Variants in GALNT17 observed in about 807,000 individuals in gnomAD.
GALNT17 encodes UDP-GalNAc:polypeptide N-acetylgalactosaminyltransferase-like 3.
GALNT17 carries 29 observed loss-of-function variants against 63.7 expected under a neutral mutation model. The observed-to-expected ratio is 0.46, with a 90% CI of 0.34 to 0.62. The LOEUF (loss-of-function observed/expected upper bound fraction) is 0.62. Ranked by LOEUF, GALNT17 falls within the 20% of genes least tolerant of loss-of-function variation. The pLI, the probability that GALNT17 is intolerant of heterozygous loss-of-function variation, is 0.01. For missense variants in GALNT17, 603 were observed against 799.6 expected (o/e 0.75, Z 2.97); for synonymous variants, 305 against 318.3 (o/e 0.96, Z 0.45).
intron 1 of GALNT17, among the ~76,000 whole-genome samples, chr7:71,203,473 A>C: frequency 6.6e-6 from 1 of 152,308 alleles, no homozygotes; most frequent in African/African-American, 2.4e-5. Flanking sequence ...TTCTTTGTCC[A>C]TTTTTAAAAT....
intron 9 of GALNT17, among the ~76,000 whole-genome samples, chr7:71,706,262 C>A (rs1280280960): frequency 1.3e-5 from 2 of 152,144 alleles, no homozygotes; most frequent in African/African-American, 2.4e-5. Flanking sequence ...CCTCACCTGC[C>A]CCAGCCTACC....
intron 1 of GALNT17, among the ~76,000 whole-genome samples, chr7:71,331,277 G>A (rs1457967868): frequency 6.6e-6 from 1 of 152,048 alleles, no homozygotes; most frequent in Non-Finnish European, 1.5e-5. Context: ...CATTCCTTTT[G>A]ATCACTGACC....
chr7:71,249,984 A>G (rs1790166432), intron 1 of GALNT17, among the ~76,000 whole-genome samples: 1 of 152,230 alleles, frequency 6.6e-6, no homozygotes, highest in Non-Finnish European at 1.5e-5. Context: ...GAAGGCGTTT[A>G]AAAGCCTAGA....
At chr7:71,265,122 T>TTTTTTTTTC (rs1790469748) in intron 1 of GALNT17, among the ~76,000 whole-genome samples, 1 of 15,324 alleles carries the variant, frequency 6.5e-5, no homozygotes, top group Non-Finnish European at 1.4e-4. Flanking sequence ...ATATATATTT[T>TTTTTTTTTC]TTTTTTTTTT....
chr7:71,504,213 C>T (rs1336646167), intron 5 of GALNT17, among the ~76,000 whole-genome samples: 2 of 144,540 alleles, frequency 1.4e-5, no homozygotes, highest in African/African-American at 5.2e-5. Context: ...GGTGACAGAG[C>T]GAGACTCCAT....
intron 1 of GALNT17, among the ~76,000 whole-genome samples, chr7:71,330,308 C>T (rs1054784225): frequency 1.3e-5 from 2 of 151,402 alleles, no homozygotes; most frequent in East Asian, 2.0e-4. Context: ...CCACCGTGCC[C>T]GGCTGGACAA....
intron 1 of GALNT17, among the ~76,000 whole-genome samples, chr7:71,185,193 CTCTCTGTCTG>C (rs1229055702): frequency 2.1e-5 from 3 of 141,356 alleles, no homozygotes; most frequent in Non-Finnish European, 4.6e-5. Context: ...CTCTCTGTCT[CTCTCTGTCTG>C]TCTGTCTCTC....
intron 1 of GALNT17, among the ~76,000 whole-genome samples, chr7:71,147,906 A>T (rs1344569016): frequency 6.6e-6 from 1 of 152,080 alleles, no homozygotes; most frequent in African/African-American, 2.4e-5. Context: ...CTGAGATTAC[A>T]TGCATGAGCC....
At chr7:71,167,045 CTTTTTT>C (rs35735311) in intron 1 of GALNT17, among the ~76,000 whole-genome samples, 6 of 115,474 alleles carry the variant, frequency 5.2e-5, no homozygotes, top group Non-Finnish European at 1.0e-4. Flanking sequence ...TGGCTAAGTA[CTTTTTT>C]TTTTTTTTTT....
At chr7:71,708,894 T>A (rs1453140862) in intron 9 of GALNT17, among the ~76,000 whole-genome samples, 1 of 152,228 alleles carries the variant, frequency 6.6e-6, no homozygotes, top group Non-Finnish European at 1.5e-5. Context: ...CATGATGCTG[T>A]TCTTTTTCAT....
At chr7:71,536,482 G>T (rs1000236971) in intron 5 of GALNT17, among the ~76,000 whole-genome samples, 1 of 152,192 alleles carries the variant, frequency 6.6e-6, no homozygotes, top group South Asian at 2.1e-4. Flanking sequence ...GTTCCATATT[G>T]GTTGGGGAGG....
intron 5 of GALNT17, among the ~76,000 whole-genome samples, chr7:71,466,681 T>G (rs975149317): frequency 2.0e-5 from 3 of 152,152 alleles, no homozygotes; most frequent in Admixed American, 2.0e-4. Flanking sequence ...ACAAGAGCTT[T>G]GGCTTCCACA....
intron 5 of GALNT17, among the ~76,000 whole-genome samples, chr7:71,543,507 A>G (rs532671390): frequency 6.6e-6 from 1 of 152,298 alleles, no homozygotes; most frequent in South Asian, 2.1e-4. Context: ...TCGGACACAT[A>G]CAGTTATCTC....
chr7:71,564,275 T>C lies in GALNT17; in HGVS notation c.963-7010T>C, dbSNP rs1268607173. ...TTTTCTTTCTTTTTTTTTCTTTTCT[T>C]TTCTTTTTTTTTTTTTTTTTTTTTT... On this transcript the variant is annotated intron_variant, in intron 5 of 10. Transcript: ENST00000333538. Among the ~76,000 whole-genome samples the C allele has an allele frequency of 3.6e-5, 4 of 111,200 alleles. No individual in the cohort carries two copies. In the East Asian group the frequency reaches 8.9e-4, roughly 25 times the overall value. 73.0% of individuals were successfully genotyped at this position (111,200 alleles called of 152,430 possible).
At position 71,408,645 on chromosome 7, in the gene GALNT17, G is replaced by C. The variant is rs80045244; in HGVS notation, c.590-7244G>C. Reference sequence around the variant, plus strand: ...TTGGGAGGCCAAAGTGGGGAGCGGGGGAGGGATTGCTTGACGCCAGGAGTT... The same window carrying C: ...TTGGGAGGCCAAAGTGGGGAGCGGGCGAGGGATTGCTTGACGCCAGGAGTT... On this transcript the variant is annotated intron_variant, in intron 3 of 10. Transcript: ENST00000333538. Among the ~76,000 whole-genome samples the C allele has an allele frequency of 2.3e-3, 352 of 152,256 alleles. 8 individuals are homozygous for C. In the East Asian group the frequency reaches 0.037, roughly 16 times the overall value.
chr7:71,351,262 T>C (rs1251489877), intron 2 of GALNT17, among the ~76,000 whole-genome samples: 1 of 152,058 alleles, frequency 6.6e-6, no homozygotes, highest in African/African-American at 2.4e-5. Flanking sequence ...ATTTAGGAAC[T>C]GATAGCAGAT....
At chr7:71,544,471 A>T (rs1449145089) in intron 5 of GALNT17, among the ~76,000 whole-genome samples, 1 of 152,092 alleles carries the variant, frequency 6.6e-6, no homozygotes, top group African/African-American at 2.4e-5. Context: ...ACCCTAAAGG[A>T]TAAAGTCTGC....
chr7:71,499,553 C>T (rs1788147732), intron 5 of GALNT17, among the ~76,000 whole-genome samples: 1 of 152,174 alleles, frequency 6.6e-6, no homozygotes, highest in Non-Finnish European at 1.5e-5. Flanking sequence ...GCAGCATTTT[C>T]ATTAATGATA....
chr7:71,359,653 G>A (rs568277159), intron 2 of GALNT17, among the ~76,000 whole-genome samples: 4 of 151,404 alleles, frequency 2.6e-5, no homozygotes, highest in Admixed American at 2.0e-4. Flanking sequence ...GCACCGTCTC[G>A]GCTCACTGCA....
Sources: allele counts gnomAD v4.1 joint callset (sites outside exome capture counted in the v4.1 genomes callset), GRCh38; gene constraint gnomAD v4.1.1; transcripts MANE v1.5; gene names NCBI Gene and HGNC (gene_info 2026-07-23, HGNC 2026-07-21).